Variants in STAT5A observed in about 807,000 individuals in gnomAD.
STAT5A encodes epididymis secretory sperm binding protein.
STAT5A carries 26 observed loss-of-function variants against 100.2 expected under a neutral mutation model. The observed-to-expected ratio is 0.26, with a 90% CI of 0.19 to 0.36. The LOEUF (loss-of-function observed/expected upper bound fraction) is 0.36, where lower values mean the gene tolerates loss of function less well. Among genes scored for constraint, STAT5A ranks in the 10% least tolerant of loss-of-function variants. The pLI is 1.00. For synonymous variants in STAT5A, 330 were observed against 424.3 expected (o/e 0.78, Z 2.73); for missense variants, 634 against 1,027.5 (o/e 0.62, Z 5.24).
At chr17:42,292,700 C>T (rs1197070050) in intron 4 of STAT5A, among the ~76,000 whole-genome samples, 5 of 151,104 alleles carry the variant, frequency 3.3e-5, no homozygotes, top group African/African-American at 1.2e-4. Context: ...GATCTCTGCT[C>T]ACTGCAACCT....
In STAT5A at chr17:42,307,511, C is replaced by T. The variant is rs1333534754; in HGVS notation, c.1775+15C>T. 1 of 1,613,960 alleles carries T rather than the reference C, an allele frequency of 6.2e-7. No homozygotes were observed. The highest frequency in any genetic ancestry group is 1.3e-5 in the African/African-American group (1 of 74,912). On this transcript the variant is annotated intron_variant, in intron 14 of 18. Transcript: ENST00000590949. ...TGGAATGATGGGTAAGGAACGGGGG[C>T]TGCAGGGTCAGGGGCCAGCTGTGGG...
chr17:42,294,222 A>G (rs1230287544), intron 4 of STAT5A, among the ~76,000 whole-genome samples: 1 of 151,910 alleles, frequency 6.6e-6, no homozygotes, highest in Non-Finnish European at 1.5e-5. Context: ...TATAAAAAAA[A>G]AAAAAATAGG....
chr17:42,290,209 C>A (rs558017225), intron 3 of STAT5A, 187 bp downstream of exon 3: 329 of 844,152 alleles, frequency 3.9e-4, no homozygotes, highest in Non-Finnish European at 5.3e-4. Context: ...TAGCATATTG[C>A]AAAGCAAGGG....
At position 42,304,272 on chromosome 17, in the gene STAT5A, C is replaced by T. The variant is rs758104105; in HGVS notation, c.1170-70C>T. Reference sequence around the variant, plus strand: ...GCTGACCTGAGCGAAGACCCCAGCCCGAGGTGTGGACAGGACCATGCTCCT... The same window carrying T: ...GCTGACCTGAGCGAAGACCCCAGCCTGAGGTGTGGACAGGACCATGCTCCT... On this transcript the variant is annotated intron_variant, in intron 9 of 18. Coordinates refer to ENST00000590949, the MANE Select transcript of STAT5A (RefSeq NM_001288718.2). This position sits in a 1 kb window ranked among gnomAD's most constrained non-coding sequence, Gnocchi z 4.8. 20 of 1,494,486 alleles carry T rather than the reference C, an allele frequency of 1.3e-5. No individual in the cohort carries two copies. Among genetic ancestry groups the T allele is most frequent in the East Asian group, 2.3e-5 (1 of 43,776 alleles). The allele number at this position is 1,494,486 out of a possible 1,614,324, so 92.6% of individuals were successfully genotyped here.
intron 3 of STAT5A, 32 bp downstream of exon 3, chr17:42,290,054 G>A (rs1334307464): frequency 6.4e-7 from 1 of 1,572,500 alleles, no homozygotes; most frequent in Non-Finnish European, 8.6e-7. Context: ...CCTACGGGGA[G>A]GAAGCATCAT....
intron 3 of STAT5A, 111 bp from the exon 4 acceptor site, chr17:42,291,861 C>T (rs906725039): frequency 1.8e-6 from 2 of 1,134,724 alleles, no homozygotes; most frequent in Admixed American, 2.1e-5. Context: ...CCTGAGGCTC[C>T]CTGGGAAAAG....
chr17:42,302,346 T>A (rs976527858), intron 9 of STAT5A, among the ~76,000 whole-genome samples: 5 of 151,928 alleles, frequency 3.3e-5, no homozygotes, highest in African/African-American at 4.8e-5. Context: ...GGGGGATGTG[T>A]AGGGCACCGA....
intron 3 of STAT5A, among the ~76,000 whole-genome samples, chr17:42,290,700 C>G (rs2080861542): frequency 6.6e-6 from 1 of 152,210 alleles, no homozygotes; most frequent in Admixed American, 6.5e-5. Flanking sequence ...TGGGAAGTAC[C>G]TTGACCTTGG....
intron 13 of STAT5A, 152 bp downstream of exon 13, chr17:42,306,599 CAAGA>C (rs1357969697): frequency 8.6e-7 from 1 of 1,161,084 alleles, no homozygotes; most frequent in Non-Finnish European, 1.2e-6. Context: ...CCCCTAGCCT[CAAGA>C]AATGCAGGCA....
At chr17:42,293,836 G>A (rs1363004152) in intron 4 of STAT5A, among the ~76,000 whole-genome samples, 1 of 152,356 alleles carries the variant, frequency 6.6e-6, no homozygotes, top group African/African-American at 2.4e-5. Flanking sequence ...AGGAGGGCAT[G>A]AATCTTCTTA....
chr17:42,297,970 G>A (rs1203960386), intron 5 of STAT5A, among the ~76,000 whole-genome samples: 1 of 151,498 alleles, frequency 6.6e-6, no homozygotes, highest in African/African-American at 2.4e-5. Context: ...CTCAAGCAAG[G>A]ACGCTGGGCT....
Position 42,301,409 on chromosome 17 carries a change from G to C in STAT5A, c.1124G>C (p.Ser375Thr), listed in dbSNP as rs1242466165. 6.2e-7 allele frequency: 1 copy of C among 1,614,084 alleles called. No individual in the cohort carries two copies. The highest frequency in any genetic ancestry group is 8.5e-7 in the Non-Finnish European group (1 of 1,180,042). The change falls in exon 9 of 19, where the codon AGT (serine) becomes ACT (threonine). Residue 375 changes from serine (S) to threonine (T), a missense_variant. Ser to Thr is a moderately conservative substitution (Grantham distance 58). Coordinates refer to ENST00000590949, the MANE Select transcript of STAT5A (RefSeq NM_001288718.2). ...CCCCAGGTGAAGGCCACCATCATCAGTGAGCAGCAGGCCAAGTCTCTGCTT... is the reference window on the plus strand; with the variant it reads ...CCCCAGGTGAAGGCCACCATCATCACTGAGCAGCAGGCCAAGTCTCTGCTT... ...NPPQVKATII[S>T]EQQAKSLLKN...
Position 42,304,731 on chromosome 17 carries a change from G to C in STAT5A, c.1380+79G>C. On this transcript the variant is annotated intron_variant, in intron 11 of 18. Transcript: ENST00000590949. The surrounding 1 kb of genome is among the most constrained non-coding windows in gnomAD (Gnocchi z 4.8). Reference sequence around the variant, plus strand: ...GGGGCCTGCCTCAGGACTCCTGGCAGCAATGCCATCGGACAGCCTGCTTTG... The same window carrying C: ...GGGGCCTGCCTCAGGACTCCTGGCACCAATGCCATCGGACAGCCTGCTTTG... 6.3e-7 allele frequency: 1 copy of C among 1,585,752 alleles called. No individual in the cohort carries two copies. The highest frequency in any genetic ancestry group is 8.6e-7 in the Non-Finnish European group (1 of 1,164,356).
chr17:42,305,672 T>C lies in STAT5A; in HGVS notation c.1443T>C (p.Thr481=), dbSNP rs756232043. The C allele has an allele frequency of 6.2e-7, 1 of 1,614,178 alleles. No individual in the cohort carries two copies. Among genetic ancestry groups the C allele is most frequent in the Non-Finnish European group, 8.5e-7 (1 of 1,180,008 alleles). ...HGSQDHNATA[T]VLWDNAFAEP... is the part of the protein sequence containing the mutation. ...GCCAGGACCACAATGCCACGGCTAC[T>C]GTGCTGTGGGACAATGCCTTTGCTG... Residue 481 remains threonine, a synonymous_variant, in exon 12 of 19, where the codon ACT becomes ACC. Transcript: ENST00000590949.
At chr17:42,303,175 G>A (rs528511759) in intron 9 of STAT5A, among the ~76,000 whole-genome samples, 1 of 152,348 alleles carries the variant, frequency 6.6e-6, no homozygotes, top group South Asian at 2.1e-4. Flanking sequence ...AAACCCAGGA[G>A]GTGGAGGTTG....
chr17:42,310,133 G>A (rs540661560), intron 18 of STAT5A, among the ~76,000 whole-genome samples: 40 of 152,364 alleles, frequency 2.6e-4, no homozygotes, highest in African/African-American at 8.9e-4. Context: ...GCTGTTCTAG[G>A]TGCTCAGTGA....
intron 4 of STAT5A, among the ~76,000 whole-genome samples, chr17:42,293,138 G>A (rs968334229): frequency 4.6e-5 from 7 of 152,194 alleles, no homozygotes; most frequent in Non-Finnish European, 1.0e-4. Flanking sequence ...ACAACATGAC[G>A]TGACAGAAAT....
At position 42,304,408 on chromosome 17, in the gene STAT5A, C is replaced by T. The variant is rs773272958; in HGVS notation, c.1236C>T (p.Leu412=). The change falls in exon 10 of 19, where the codon CTC becomes CTT. Residue 412 remains leucine, a synonymous_variant. Coordinates refer to ENST00000590949, the MANE Select transcript of STAT5A (RefSeq NM_001288718.2). The surrounding 1 kb of genome is among the most constrained non-coding windows in gnomAD (Gnocchi z 4.8). The part of the protein sequence containing the change: ...VMEYHQATGT[L]SAHFRNMSLK... ...AGTACCACCAAGCCACGGGCACCCT[C>T]AGTGCCCACTTCAGGAACATGGTGA... The T allele has an allele frequency of 1.6e-5, 26 of 1,614,256 alleles. No homozygotes were observed. Among genetic ancestry groups the T allele is most frequent in the Non-Finnish European group, 2.1e-5 (25 of 1,180,042 alleles).
In STAT5A at chr17:42,289,866, G is replaced by T; in HGVS notation, c.129G>T (p.Trp43Cys). The part of the protein sequence containing the change: ...YLAQWIESQP[W>C]DAIDLDNPQD... ...TTTTTCTCTTCTGCCCTGCCCCAAG[G>T]GATGCCATTGACTTGGACAATCCCC... Residue 43 changes from tryptophan (W) to cysteine (C), a missense_variant and splice_region_variant, in exon 3 of 19, where the codon TGG (tryptophan) becomes TGT (cysteine). By Grantham distance (215) the Trp-to-Cys change is radical. Around this residue, in one of 5 missense-constraint regions of STAT5A, gnomAD observed 207 missense variants for 256.6 expected, o/e 0.81. Transcript: ENST00000590949. 1 of 1,556,566 alleles carries T rather than the reference G, an allele frequency of 6.4e-7. No individual in the cohort carries two copies. Among genetic ancestry groups the T allele is most frequent in the Non-Finnish European group, 8.7e-7 (1 of 1,149,890 alleles).
Sources: allele counts gnomAD v4.1 joint callset (sites outside exome capture counted in the v4.1 genomes callset), GRCh38; gene constraint gnomAD v4.1.1; regional missense constraint gnomAD v4.1.1; non-coding constraint Gnocchi (gnomAD v3.1); transcripts MANE v1.5; gene names NCBI Gene and HGNC (gene_info 2026-07-23, HGNC 2026-07-21).